MVB12B: variants seen among roughly 807,000 people sequenced by gnomAD.
The protein encoded by MVB12B is ESCRT-I complex subunit MVB12B.
A neutral mutation model predicts 41.6 loss-of-function variants in MVB12B; 16 were observed. The ratio of observed to expected loss-of-function variants is 0.38; its 90% CI spans 0.26 to 0.58. MVB12B has a LOEUF of 0.58. Among genes scored for constraint, MVB12B ranks in the 20% least tolerant of loss-of-function variants. MVB12B has a pLI of 0.62. For synonymous variants in MVB12B, 133 were observed against 139.7 expected (o/e 0.95, Z 0.34); for missense variants, 274 against 380.2 (o/e 0.72, Z 2.32).
At position 126,505,460 on chromosome 9, in the gene MVB12B, G is replaced by C. The variant is rs894780844; in HGVS notation, c.*2197G>C. 2 of 152,282 alleles carry C rather than the reference G, an allele frequency of 1.3e-5. No homozygotes were observed. Among genetic ancestry groups the C allele is most frequent in the African/African-American group, 4.8e-5 (2 of 41,468 alleles). 9.4% of individuals were successfully genotyped at this position (152,282 alleles called of 1,614,324 possible). A position where few individuals can be genotyped will look rare whatever the true frequency, so the allele number is the denominator to read the frequency against. On this transcript the variant is annotated 3_prime_UTR_variant, in exon 10 of 10. Coordinates refer to ENST00000361171, the MANE Select transcript of MVB12B (RefSeq NM_033446.3). ...GGACAAACTGCATGGACTCAAGCGAGCTGGAGCCATCTTCTCCATAGCATT... is the reference window on the plus strand; with the variant it reads ...GGACAAACTGCATGGACTCAAGCGACCTGGAGCCATCTTCTCCATAGCATT...
At chr9:126,342,506 A>G (rs1829475123) in intron 2 of MVB12B, among the ~76,000 whole-genome samples, 1 of 152,152 alleles carries the variant, frequency 6.6e-6, no homozygotes, top group South Asian at 2.1e-4. Context: ...AATGAGTAAA[A>G]TTAATAAGCA....
intron 6 of MVB12B, among the ~76,000 whole-genome samples, chr9:126,401,561 T>C (rs1390902771): frequency 6.6e-6 from 1 of 152,236 alleles, no homozygotes; most frequent in African/African-American, 2.4e-5. Context: ...TTTGAGAACA[T>C]AGATCCTTGC....
At chr9:126,439,005 AC>A (rs1390249189) in intron 7 of MVB12B, among the ~76,000 whole-genome samples, 3 of 152,028 alleles carry the variant, frequency 2.0e-5, no homozygotes, top group Non-Finnish European at 2.9e-5. Flanking sequence ...GCTTGAGAAC[AC>A]GTCCTTGTTT....
At position 126,480,584 on chromosome 9, in the gene MVB12B, C is replaced by T. The variant is rs988670795; in HGVS notation, c.758-785C>T. ...GGAACCAGGCCCCTGGTTTCTCCATCGTTGCGTCCCCGTTCCATGCCCTTT... is the reference window on the plus strand; with the variant it reads ...GGAACCAGGCCCCTGGTTTCTCCATTGTTGCGTCCCCGTTCCATGCCCTTT... On this transcript the variant is annotated intron_variant, in intron 7 of 9. Coordinates refer to ENST00000361171, the MANE Select transcript of MVB12B (RefSeq NM_033446.3). The surrounding 1 kb of genome is among the most constrained non-coding windows in gnomAD (Gnocchi z 4.9). Among the ~76,000 whole-genome samples the T allele has an allele frequency of 2.0e-5, 3 of 152,188 alleles. No homozygotes were observed. The highest frequency in any genetic ancestry group is 4.4e-5 in the Non-Finnish European group (3 of 68,034).
At chr9:126,452,094 A>G (rs1832898606) in intron 7 of MVB12B, among the ~76,000 whole-genome samples, 1 of 152,242 alleles carries the variant, frequency 6.6e-6, no homozygotes, top group Admixed American at 6.5e-5. Context: ...GTCAGGCACC[A>G]GCAGATGCAC....
At chr9:126,485,437 A>C (rs1286508403) in intron 9 of MVB12B, among the ~76,000 whole-genome samples, 3 of 40,238 alleles carry the variant, frequency 7.5e-5, no homozygotes, top group Admixed American at 6.7e-4. Flanking sequence ...ACTGTGCTTC[A>C]TGAGGTCAGG....
intron 7 of MVB12B, among the ~76,000 whole-genome samples, chr9:126,451,210 C>T (rs1281410181): frequency 1.3e-5 from 2 of 152,182 alleles, no homozygotes; most frequent in Non-Finnish European, 2.9e-5. Context: ...TGGGCCTCAG[C>T]GTCTTTGACT....
At chr9:126,500,064 C>T (rs137988318) in intron 9 of MVB12B, among the ~76,000 whole-genome samples, 1,531 of 152,268 alleles carry the variant, frequency 0.01, 88 homozygotes, top group Admixed American at 0.087. Flanking sequence ...CAGAAAGCTC[C>T]CGCTAGGCCC....
intron 6 of MVB12B, among the ~76,000 whole-genome samples, chr9:126,404,422 G>A (rs971872595): frequency 6.6e-6 from 1 of 152,208 alleles, no homozygotes; most frequent in Non-Finnish European, 1.5e-5. Context: ...CTGTTAGTGT[G>A]CAGACTGTCA....
In MVB12B at chr9:126,392,017, T is replaced by C; in HGVS notation, c.410-49T>C. 2 of 1,604,264 alleles carry C rather than the reference T, an allele frequency of 1.2e-6. No individual in the cohort carries two copies. The highest frequency in any genetic ancestry group is 1.7e-6 in the Non-Finnish European group (2 of 1,171,492). ...GGGATGTGGTTTTCAGAATAGAGAT[T>C]CTGGTATCTCTGGAAAACTCATACC... On this transcript the variant is annotated intron_variant, in intron 4 of 9. Transcript: ENST00000361171. The surrounding 1 kb of genome is among the most constrained non-coding windows in gnomAD (Gnocchi z 4.8).
intron 7 of MVB12B, among the ~76,000 whole-genome samples, chr9:126,439,772 T>C (rs1427799144): frequency 6.6e-6 from 1 of 152,258 alleles, no homozygotes; most frequent in East Asian, 1.9e-4. Flanking sequence ...TTTGTTCTAA[T>C]GCAGTAATAA....
chr9:126,345,814 G>C (rs1306360747), intron 2 of MVB12B, among the ~76,000 whole-genome samples: 1 of 152,166 alleles, frequency 6.6e-6, no homozygotes, highest in African/African-American at 2.4e-5. Flanking sequence ...CCTATACCCA[G>C]TCCCCCAACT....
At chr9:126,469,419 A>G (rs1833268352) in intron 7 of MVB12B, among the ~76,000 whole-genome samples, 1 of 152,230 alleles carries the variant, frequency 6.6e-6, no homozygotes, top group Non-Finnish European at 1.5e-5. Context: ...ACAACTTAAA[A>G]ATATAGATGG....
chr9:126,451,103 A>G (rs1417300625), intron 7 of MVB12B, among the ~76,000 whole-genome samples: 1 of 152,188 alleles, frequency 6.6e-6, no homozygotes, highest in African/African-American at 2.4e-5. Context: ...CCAGAAGAGC[A>G]GGGGTCAGAG....
At chr9:126,411,392 A>G (rs879502848) in intron 6 of MVB12B, among the ~76,000 whole-genome samples, 16 of 152,234 alleles carry the variant, frequency 1.1e-4, no homozygotes, top group Non-Finnish European at 2.1e-4. Flanking sequence ...AGTGCCTAGC[A>G]CACAGTAGGA....
intron 2 of MVB12B, among the ~76,000 whole-genome samples, chr9:126,351,514 A>T (rs1406559893): frequency 3.6e-4 from 34 of 95,140 alleles, no homozygotes; most frequent in African/African-American, 1.3e-3. Context: ...TTTGAGACTG[A>T]GTCTTGCTTT....
chr9:126,450,260 C>A (rs961721312), intron 7 of MVB12B, among the ~76,000 whole-genome samples: 3 of 152,198 alleles, frequency 2.0e-5, no homozygotes, highest in African/African-American at 7.2e-5. Flanking sequence ...GGGCAAGCTC[C>A]ACTTCCTCTC....
intron 7 of MVB12B, among the ~76,000 whole-genome samples, chr9:126,449,527 T>C (rs1301001518): frequency 6.6e-6 from 1 of 152,176 alleles, no homozygotes; most frequent in African/African-American, 2.4e-5. Context: ...CAGAGAGTCA[T>C]TCTTCATGGT....
intron 9 of MVB12B, among the ~76,000 whole-genome samples, chr9:126,495,884 A>C (rs191150097): frequency 2.3e-3 from 346 of 152,282 alleles, no homozygotes; most frequent in Non-Finnish European, 4.0e-3. Flanking sequence ...GCATAGAGAA[A>C]CAGACCAAAT....
Sources: gnomAD v4.1 joint callset for allele counts (sites outside exome capture counted in the v4.1 genomes callset) on GRCh38, gnomAD v4.1.1 for gene constraint, Gnocchi (gnomAD v3.1) non-coding constraint, MANE v1.5 for transcripts, NCBI Gene and HGNC (gene_info 2026-07-23, HGNC 2026-07-21) for gene names.